KIF1A: variants seen among roughly 807,000 people sequenced by gnomAD.
KIF1A encodes the protein kinesin family member 1A, also known as kinesin-like protein KIF1A.
KIF1A carries 46 observed loss-of-function variants against 227.3 expected under a neutral mutation model. That is an observed-to-expected ratio of 0.20 (90% CI 0.16 to 0.26). KIF1A has a LOEUF of 0.26. Among genes scored for constraint, KIF1A ranks in the 10% least tolerant of loss-of-function variants. The probability of loss-of-function intolerance (pLI) is 1.00; values close to 1 mark genes in which losing one functional copy is unlikely to be tolerated. For missense variants in KIF1A, 1,683 were observed against 2,485.9 expected (o/e 0.68, Z 6.87); for synonymous variants, 1,022 against 1,012.8 (o/e 1.01, Z -0.17).
rs1255645321 is a variant in KIF1A, at chr2:240,788,057, G to A, written c.357C>T (p.Ile119=). 1 of 1,568,314 alleles carries A rather than the reference G, an allele frequency of 6.4e-7. No homozygotes were observed. Among genetic ancestry groups the A allele is most frequent in the Non-Finnish European group, 8.7e-7 (1 of 1,155,964 alleles). ...CCCGCCCCCCGCTTCGTGCCTGTGG[G>A]ATGATGCCCTGCTGGTCCTTCTCCT... ...GKQEKDQQGI[I]PQLCEDLFSR... The change falls in exon 4 of 49, where the codon ATC becomes ATT. Residue 119 remains isoleucine (I), a synonymous_variant. Coordinates refer to ENST00000498729, the MANE Select transcript of KIF1A (RefSeq NM_001244008.2). This position sits in a 1 kb window ranked among gnomAD's most constrained non-coding sequence, Gnocchi z 6.6.
At position 240,761,585 on chromosome 2, in the gene KIF1A, T is replaced by C. The variant is rs373752768; in HGVS notation, c.2117-208A>G. ...CCCCTGTGGTCACTGAGGCCAGAGG[T>C]GGACAGGCCCCTCTCTCCCCAGGCT... On this transcript the variant is annotated intron_variant, in intron 23 of 48. Coordinates refer to ENST00000498729, the MANE Select transcript of KIF1A (RefSeq NM_001244008.2). 5.8e-4 allele frequency among the ~76,000 whole-genome samples: 88 copies of C among 152,200 alleles called. 1 individual carries two copies. The highest frequency in any genetic ancestry group is 1.8e-3 in the African/African-American group (76 of 41,536).
At chr2:240,723,033 C>T (rs998135952) in intron 42 of KIF1A, among the ~76,000 whole-genome samples, 4 of 152,332 alleles carry the variant, frequency 2.6e-5, no homozygotes, top group African/African-American at 9.6e-5. Context: ...TCACGCGTCA[C>T]GTGTCACACA....
intron 1 of KIF1A, among the ~76,000 whole-genome samples, chr2:240,809,323 C>T (rs977233434): frequency 1.1e-4 from 16 of 152,162 alleles, no homozygotes; most frequent in African/African-American, 3.1e-4. Flanking sequence ...GAGGGCAACA[C>T]GCCCTATGAT....
chr2:240,741,643 A>G (rs1283004544), intron 34 of KIF1A, among the ~76,000 whole-genome samples: 1 of 152,234 alleles, frequency 6.6e-6, no homozygotes, highest in East Asian at 1.9e-4. Flanking sequence ...CACTCGGCAC[A>G]GCTCATGAGG....
At chr2:240,806,266 G>A (rs189524714) in intron 1 of KIF1A, among the ~76,000 whole-genome samples, 2 of 152,372 alleles carry the variant, frequency 1.3e-5, no homozygotes, top group East Asian at 3.9e-4. Context: ...GAAGAAAGGA[G>A]CTGCTCAGCA....
chr2:240,778,084 G>A lies in KIF1A; in HGVS notation c.883-2158C>T, dbSNP rs780101606. On this transcript the variant is annotated intron_variant, in intron 10 of 48. Coordinates refer to ENST00000498729, the MANE Select transcript of KIF1A (RefSeq NM_001244008.2). The surrounding 1 kb of genome is among the most constrained non-coding windows in gnomAD (Gnocchi z 7.2). ...CCTCCCGCTCCCCACGCACTTCCTC[G>A]CGTTTCTCCACACGGTTCTTCACGC... Among the ~76,000 whole-genome samples, 3 of 151,496 alleles carry A rather than the reference G, an allele frequency of 2.0e-5. No individual in the cohort carries two copies. The highest frequency in any genetic ancestry group is 6.6e-5 in the Admixed American group (1 of 15,228).
chr2:240,810,668 G>A (rs2057795707), intron 1 of KIF1A, among the ~76,000 whole-genome samples: 1 of 152,252 alleles, frequency 6.6e-6, no homozygotes, highest in Non-Finnish European at 1.5e-5. Flanking sequence ...GCAGATGAAT[G>A]CAGAGTCGGC....
intron 1 of KIF1A, among the ~76,000 whole-genome samples, chr2:240,807,123 T>C (rs1299405110): frequency 3.3e-5 from 4 of 122,998 alleles, no homozygotes; most frequent in African/African-American, 1.3e-4. Context: ...TGTGTGTGTG[T>C]GTGTGTGTAT....
intron 14 of KIF1A, among the ~76,000 whole-genome samples, chr2:240,771,809 G>A (rs1352126168): frequency 6.6e-6 from 1 of 152,210 alleles, no homozygotes; most frequent in Non-Finnish European, 1.5e-5. Context: ...CCTCCACCAC[G>A]AGGAGCTCAC....
At chr2:240,728,468 T>A in intron 38 of KIF1A, 1 of 1,181,644 alleles carries the variant, frequency 8.5e-7, no homozygotes, top group South Asian at 1.3e-5. Context: ...AATGGAGATG[T>A]CAGAACAAGC....
chr2:240,779,546 A>T (rs1370819992), intron 10 of KIF1A, among the ~76,000 whole-genome samples: 2 of 139,330 alleles, frequency 1.4e-5, no homozygotes, highest in Non-Finnish European at 3.0e-5. Flanking sequence ...AGTTCCTCAT[A>T]GTTCCACTCA....
intron 20 of KIF1A, among the ~76,000 whole-genome samples, chr2:240,764,098 T>C (rs183757409): frequency 6.6e-6 from 1 of 152,282 alleles, no homozygotes; most frequent in Non-Finnish European, 1.5e-5. Context: ...CTTTCCCTAG[T>C]AGCTGCAGCT....
In KIF1A at chr2:240,747,254, A is replaced by G. The variant is rs757187351; in HGVS notation, c.3045T>C (p.Asp1015=). The change falls in exon 29 of 49, where the codon GAT becomes GAC. Residue 1015 remains aspartate (D), a synonymous_variant. Coordinates refer to ENST00000498729, the MANE Select transcript of KIF1A (RefSeq NM_001244008.2). ...RQSGTAKISF[D]DQHFEKFQSE... ...TTGGTACCTTTTCAAAATGCTGGTC[A>G]TCAAAGGAGATTTTAGCAGTTCCCG... 34 of 1,613,332 alleles carry G rather than the reference A, an allele frequency of 2.1e-5. No homozygotes were observed. Among genetic ancestry groups the G allele is most frequent in the Admixed American group, 5.0e-5 (3 of 59,980 alleles).
In KIF1A at chr2:240,717,123, G is replaced by C. The variant is rs1061114; in HGVS notation, c.*241C>G. The stretch of plus-strand genomic sequence containing the variant: ...GTAACCTGTGCCCTTGGCCCCCCCA[G>C]CCTCTCCCAACTTGTTCCACCAGAG... On this transcript the variant is annotated 3_prime_UTR_variant, in exon 49 of 49. Transcript: ENST00000498729. 0.015 allele frequency: 7,260 copies of C among 479,404 alleles called. 74 individuals carry two copies. Among genetic ancestry groups the C allele is most frequent in the Non-Finnish European group, 0.019 (5,234 of 269,816 alleles). 29.7% of individuals were successfully genotyped at this position (479,404 alleles called of 1,614,324 possible). A position where few individuals can be genotyped will look rare whatever the true frequency, so the allele number is the denominator to read the frequency against.
chr2:240,762,929 G>T, intron 22 of KIF1A, 90 bp downstream of exon 22: 1 of 1,385,362 alleles, frequency 7.2e-7, no homozygotes, highest in Non-Finnish European at 9.7e-7. Flanking sequence ...GATGGGGCCA[G>T]GCAAGCAGGG....
chr2:240,729,061 C>T (rs371817202), intron 38 of KIF1A, among the ~76,000 whole-genome samples: 6 of 152,214 alleles, frequency 3.9e-5, no homozygotes, highest in Admixed American at 6.5e-5. Context: ...CACGTCAGCA[C>T]CGCTGTCTGG....
At chr2:240,751,834 C>T (rs1040386906) in intron 27 of KIF1A, among the ~76,000 whole-genome samples, 19 of 152,136 alleles carry the variant, frequency 1.2e-4, no homozygotes, top group African/African-American at 3.6e-4. Context: ...GTCTCTGTTT[C>T]CAATGCAGAA....
intron 1 of KIF1A, among the ~76,000 whole-genome samples, chr2:240,799,391 A>G (rs73104604): frequency 0.12 from 18,660 of 152,164 alleles, 2,010 homozygotes; most frequent in African/African-American, 0.29. Flanking sequence ...CCTCAGGCAA[A>G]CAGCTCTTCC....
chr2:240,779,210 ACAGTTCCACACT>A (rs758775599), intron 10 of KIF1A, among the ~76,000 whole-genome samples: 8 of 147,284 alleles, frequency 5.4e-5, no homozygotes, highest in African/African-American at 1.0e-4. Context: ...TCAGTTCCTC[ACAGTTCCACACT>A]CAGTTCCACA....
Sources: allele counts gnomAD v4.1 joint callset (sites outside exome capture counted in the v4.1 genomes callset), GRCh38; gene constraint gnomAD v4.1.1; non-coding constraint Gnocchi (gnomAD v3.1); transcripts MANE v1.5; gene names NCBI Gene and HGNC (gene_info 2026-07-23, HGNC 2026-07-21).